Variants in SCN9A observed in about 807,000 individuals in gnomAD.
The protein encoded by SCN9A is sodium voltage-gated channel alpha subunit 9.
In SCN9A, 131 loss-of-function variants were observed where a neutral mutation model predicts 187.0. That is an observed-to-expected ratio of 0.70 (90% CI 0.61 to 0.81). The LOEUF is 0.81. Among genes scored for constraint, SCN9A ranks in the 30% least tolerant of loss-of-function variants. SCN9A has a pLI of 0.00. For synonymous variants in SCN9A, 809 were observed against 808.6 expected, an observed-to-expected ratio of 1.00 and a Z score of -0.01; for missense variants, 2,252 against 2,396.6, an observed-to-expected ratio of 0.94 and a Z score of 1.26.
intron 17 of SCN9A, among the ~76,000 whole-genome samples, chr2:166,255,107 A>G (rs1170332899): frequency 7.1e-6 from 1 of 140,836 alleles, no homozygotes; most frequent in East Asian, 2.2e-4. Flanking sequence ...AGAGAGAGAA[A>G]AAGAGAGAGA....
rs1558960844 is a variant in SCN9A, at chr2:166,222,946, A to AC, written c.4398+3620_4398+3621insG. 2.4e-3 allele frequency among the ~76,000 whole-genome samples: 41 copies of AC among 17,136 alleles called. 2 individuals are homozygous for AC. Among genetic ancestry groups the AC allele is most frequent in the African/African-American group, 8.0e-3 (40 of 5,000 alleles). The allele number at this position is 17,136 out of a possible 152,430, so 11.2% of individuals were successfully genotyped here. On this transcript the variant is annotated intron_variant, in intron 24 of 26. Transcript: ENST00000642356. ...ACTCCGTCTCAAAAAAAAAAACAAC[A>AC]AAAAAAAAAAAAAAAAAAAAAAAAA...
rs200635145 is a variant in SCN9A, at chr2:166,272,465, T to C, written c.3285A>G (p.Glu1095=). 1.2e-6 allele frequency: 2 copies of C among 1,611,928 alleles called. No individual in the cohort carries two copies. Among genetic ancestry groups the C allele is most frequent in the East Asian group, 2.2e-5 (1 of 44,740 alleles). Residue 1095 remains glutamate (E), a synonymous_variant, in exon 17 of 27, where the codon GAA becomes GAG. Coordinates refer to ENST00000642356, the MANE Select transcript of SCN9A (RefSeq NM_001365536.1). ...LTVTVPIAPG[E]SDLENMNAEE... ...CAGCATTCATATTTTCCAAATCGGATTCCCCAGGTGCAATTGGCACTGTCA... is the reference window on the plus strand; with the variant it reads ...CAGCATTCATATTTTCCAAATCGGACTCCCCAGGTGCAATTGGCACTGTCA...
chr2:166,323,618 C>T (rs1451350275), intron 1 of SCN9A, among the ~76,000 whole-genome samples: 1 of 152,196 alleles, frequency 6.6e-6, no homozygotes, highest in Non-Finnish European at 1.5e-5. Context: ...TCAGTGGCCT[C>T]TATTACCTTC....
In SCN9A at chr2:166,196,518, G is replaced by A. The variant is rs17804037; in HGVS notation, c.*2154C>T. 10 of 151,866 alleles carry A rather than the reference G, an allele frequency of 6.6e-5. No individual in the cohort carries two copies. The highest frequency in any genetic ancestry group is 1.3e-4 in the Non-Finnish European group (9 of 67,904). The allele number at this position is 151,866 out of a possible 1,614,324, so 9.4% of individuals were successfully genotyped here. On this transcript the variant is annotated 3_prime_UTR_variant, in exon 27 of 27. Transcript: ENST00000642356. The stretch of plus-strand genomic sequence containing the variant: ...AAAACATTAATAGAAAATTACACAC[G>A]AACCTGTCAAACATCTTGTCTTACT...
At chr2:166,253,450 T>C (rs1163719027) in intron 17 of SCN9A, among the ~76,000 whole-genome samples, 1 of 151,782 alleles carries the variant, frequency 6.6e-6, no homozygotes, top group Non-Finnish European at 1.5e-5. Context: ...TAAAATAAGA[T>C]AATAGAAATT....
In SCN9A at chr2:166,228,850, C is replaced by T. The variant is rs763848278; in HGVS notation, c.4047G>A (p.Glu1349=). ...GTGACCCATCTGTGGTGTTAATACA[C>T]TCATAGAACTTGCCAGCAAACAAAT... The part of the protein sequence containing the change: ...GVNLFAGKFY[E]CINTTDGSRF... Residue 1349 remains glutamate, a synonymous_variant, in exon 22 of 27, where the codon GAG becomes GAA. Transcript: ENST00000642356. 10 of 1,613,884 alleles carry T rather than the reference C, an allele frequency of 6.2e-6. No homozygotes were observed. Among genetic ancestry groups the T allele is most frequent in the Non-Finnish European group, 8.5e-6 (10 of 1,179,834 alleles).
At chr2:166,331,759 C>G (rs770572267) in intron 1 of SCN9A, among the ~76,000 whole-genome samples, 1 of 152,092 alleles carries the variant, frequency 6.6e-6, no homozygotes, top group Non-Finnish European at 1.5e-5. Flanking sequence ...TAGTTCATTG[C>G]TCAATGTTAA....
intron 7 of SCN9A, among the ~76,000 whole-genome samples, chr2:166,295,446 T>C (rs1265290109): frequency 6.6e-6 from 1 of 152,134 alleles, no homozygotes; most frequent in Non-Finnish European, 1.5e-5. Context: ...TAGGCTACCA[T>C]ACACCTAGGC....
At chr2:166,315,646 G>A (rs1285346148) in intron 1 of SCN9A, among the ~76,000 whole-genome samples, 1 of 152,190 alleles carries the variant, frequency 6.6e-6, no homozygotes, top group Admixed American at 6.5e-5. Context: ...TTATAGCTTT[G>A]AAGAAGAGCA....
At chr2:166,238,864 G>C (rs1344960726) in intron 19 of SCN9A, among the ~76,000 whole-genome samples, 2 of 152,134 alleles carry the variant, frequency 1.3e-5, no homozygotes, top group Non-Finnish European at 2.9e-5. Flanking sequence ...CAAAGCTTCA[G>C]CTCTAAAAAT....
Position 166,306,577 on chromosome 2 carries a change from A to C in SCN9A, c.400T>G (p.Cys134Gly), listed in dbSNP as rs779079123. The stretch of plus-strand genomic sequence containing the variant: ...AATATGCAGTTTGTCAGAATAGTGC[A>C]CATGATGAGCATGCTGAATAAGGTA... ...VHSLFSMLIM[C>G]TILTNCIFMT... The change falls in exon 4 of 27, where the codon TGC becomes GGC. Residue 134 changes from cysteine to glycine, a missense_variant. Physicochemically the swap from Cys to Gly is radical, Grantham distance 159 (BLOSUM62 -3). Transcript: ENST00000642356. 1.3e-6 allele frequency: 2 copies of C among 1,580,280 alleles called. No individual in the cohort carries two copies. Among genetic ancestry groups the C allele is most frequent in the Non-Finnish European group, 1.7e-6 (2 of 1,160,328 alleles).
At chr2:166,210,473 T>TA (rs201071860) in intron 24 of SCN9A, among the ~76,000 whole-genome samples, 2,004 of 47,058 alleles carry the variant, frequency 0.043, 51 homozygotes, top group African/African-American at 0.14. Flanking sequence ...AAAATAAAAA[T>TA]AAAAAAATAA....
intron 5 of SCN9A, among the ~76,000 whole-genome samples, chr2:166,305,088 G>A (rs4605385): frequency 0.82 from 124,592 of 151,864 alleles, 51,310 homozygotes; most frequent in African/African-American, 0.88. Context: ...CGGATATTAG[G>A]AATCTTAAGA....
intron 1 of SCN9A, among the ~76,000 whole-genome samples, chr2:166,359,965 T>TAATC (rs1700238476): frequency 6.6e-6 from 1 of 151,824 alleles, no homozygotes; most frequent in Admixed American, 6.6e-5. Context: ...CTCACGCCTA[T>TAATC]AATCCCAGCA....
intron 8 of SCN9A, among the ~76,000 whole-genome samples, chr2:166,293,728 C>A (rs755655469): frequency 2.0e-5 from 3 of 152,088 alleles, no homozygotes; most frequent in African/African-American, 7.2e-5. Context: ...TTTCAACAGA[C>A]GTTTTGTGAT....
At chr2:166,311,382 T>TATATAAAAA in intron 2 of SCN9A, 117 bp downstream of exon 2, 1 of 83,546 alleles carries the variant, frequency 1.2e-5, no homozygotes, top group South Asian at 5.1e-4. Context: ...ATATATTTAA[T>TATATAAAAA]TTAACATTCT....
intron 7 of SCN9A, 23 bp downstream of exon 7, chr2:166,303,067 A>C: frequency 6.7e-7 from 1 of 1,496,730 alleles, no homozygotes; most frequent in Non-Finnish European, 9.2e-7. Context: ...TCAACCTAAT[A>C]ACAAATGCAA....
chr2:166,356,566 A>G (rs1700155708), intron 1 of SCN9A, among the ~76,000 whole-genome samples: 2 of 152,202 alleles, frequency 1.3e-5, no homozygotes, highest in South Asian at 4.1e-4. Flanking sequence ...AGTATGTATA[A>G]CGAAAAATAA....
In SCN9A at chr2:166,198,535, A is replaced by G. The variant is rs1693313213; in HGVS notation, c.*137T>C. The G allele has an allele frequency of 3.1e-6, 2 of 648,298 alleles. No individual in the cohort carries two copies. The allele number at this position is 648,298 out of a possible 1,614,324, so 40.2% of individuals were successfully genotyped here. A position where few individuals can be genotyped will look rare whatever the true frequency, so the allele number is the denominator to read the frequency against. ...GCTAATGCTGCCCACCTTTCTTAGG[A>G]AATCAGAGTTAGTGACTGCACTGCC... On this transcript the variant is annotated 3_prime_UTR_variant, in exon 27 of 27. Transcript: ENST00000642356.
Sources: allele counts gnomAD v4.1 joint callset (sites outside exome capture counted in the v4.1 genomes callset), GRCh38; gene constraint gnomAD v4.1.1; transcripts MANE v1.5; gene names NCBI Gene and HGNC (gene_info 2026-07-23, HGNC 2026-07-21).